The following MEF2D variants were observed in gnomAD, a reference collection of about 807,000 sequenced individuals.
MEF2D encodes the protein myocyte-specific enhancer factor 2D.
A neutral mutation model predicts 59.3 loss-of-function variants in MEF2D; 10 were observed. The ratio of observed to expected loss-of-function variants is 0.17; its 90% confidence interval spans 0.10 to 0.29. The LOEUF (loss-of-function observed/expected upper bound fraction) is 0.29. Among genes scored for constraint, MEF2D ranks in the 10% least tolerant of loss-of-function variants. MEF2D has a pLI of 1.00. For synonymous variants in MEF2D, 305 were observed against 295.0 expected (o/e 1.03, Z -0.35); for missense variants, 508 against 699.4 (o/e 0.73, Z 3.09).
At chr1:156,476,214 C>T (rs1484005267) in intron 8 of MEF2D, among the ~76,000 whole-genome samples, 5 of 152,208 alleles carry the variant, frequency 3.3e-5, no homozygotes, top group Admixed American at 6.5e-5. Flanking sequence ...CCCTCGCACA[C>T]GTACATACAG....
intron 8 of MEF2D, among the ~76,000 whole-genome samples, chr1:156,475,683 C>T (rs918881382): frequency 1.3e-5 from 2 of 152,228 alleles, no homozygotes; most frequent in African/African-American, 4.8e-5. Flanking sequence ...TATGCACACA[C>T]GTGTGTGGGG....
chr1:156,498,044 C>G lies in MEF2D; in HGVS notation c.-139+2442G>C, dbSNP rs564045424. The stretch of plus-strand genomic sequence containing the variant: ...CTTACTACTGCTCCTTTAGCTCCCC[C>G]CAACCTGAAGAGTCTCCCTCTGGCT... On this transcript the variant is annotated intron_variant, in intron 1 of 11. Transcript: ENST00000348159. Among the ~76,000 whole-genome samples the G allele has an allele frequency of 6.1e-5, 9 of 148,624 alleles. No homozygotes were observed. In the South Asian group the frequency reaches 1.9e-3, roughly 31 times the overall value.
At position 156,491,248 on chromosome 1, in the gene MEF2D, C is replaced by T. The variant is rs145483629; in HGVS notation, c.-138-7818G>A. Among the ~76,000 whole-genome samples, 109 of 152,324 alleles carry T rather than the reference C, an allele frequency of 7.2e-4. No homozygotes were observed. The South Asian group carries it at 0.012, about 16-fold the overall frequency. On this transcript the variant is annotated intron_variant, in intron 1 of 11. Transcript: ENST00000348159. ...ATCCTGAGTAAGTCACTGCCTTCTA[C>T]AGGCTTCACCCCACTGGCCAGTATT...
rs149283278 is a variant in MEF2D, at chr1:156,498,162, A to G, written c.-139+2324T>C. On this transcript the variant is annotated intron_variant, in intron 1 of 11. Coordinates refer to ENST00000348159, the MANE Select transcript of MEF2D (RefSeq NM_005920.4). The stretch of plus-strand genomic sequence containing the variant: ...AGAGAGATTATATAACAGCAGCCAG[A>G]AAGACTATCATATCTCCCAGCCTAT... 2.4e-3 allele frequency among the ~76,000 whole-genome samples: 368 copies of G among 151,326 alleles called. 6 individuals carry two copies. Among genetic ancestry groups the G allele is most frequent in the African/African-American group, 8.6e-3 (352 of 40,956 alleles).
At chr1:156,476,904 G>A (rs1442478758) in intron 7 of MEF2D, 108 bp downstream of exon 7, 5 of 1,310,898 alleles carry the variant, frequency 3.8e-6, no homozygotes, top group Non-Finnish European at 4.3e-6. Flanking sequence ...ATCTTGGGAA[G>A]TCCTAACTGC....
intron 1 of MEF2D, among the ~76,000 whole-genome samples, chr1:156,497,861 C>G (rs1194722287): frequency 6.6e-6 from 1 of 151,922 alleles, no homozygotes; most frequent in Non-Finnish European, 1.5e-5. Flanking sequence ...GGGAGAGGTC[C>G]AGGCCTCTCT....
intron 3 of MEF2D, among the ~76,000 whole-genome samples, chr1:156,482,031 T>C (rs1442816866): frequency 6.6e-6 from 1 of 151,536 alleles, no homozygotes; most frequent in Non-Finnish European, 1.5e-5. Flanking sequence ...GCAGGAGAGA[T>C]GGAAACAAAG....
intron 9 of MEF2D, among the ~76,000 whole-genome samples, chr1:156,471,584 T>A (rs1016383989): frequency 1.3e-5 from 2 of 152,172 alleles, no homozygotes; most frequent in Non-Finnish European, 2.9e-5. Context: ...ACTGGGAGGC[T>A]TGGCTCCCCA....
chr1:156,479,513 G>A, intron 5 of MEF2D, 73 bp downstream of exon 5: 7 of 1,525,434 alleles, frequency 4.6e-6, no homozygotes, highest in Non-Finnish European at 6.2e-6. Flanking sequence ...AATACTTGCT[G>A]TTGAAAATGG....
intron 1 of MEF2D, among the ~76,000 whole-genome samples, chr1:156,498,534 A>C (rs1284503892): frequency 2.0e-5 from 3 of 151,992 alleles, no homozygotes; most frequent in Non-Finnish European, 4.4e-5. Context: ...GTGTGATCTC[A>C]GGTAAAAAAC....
At chr1:156,492,975 A>T (rs1672902470) in intron 1 of MEF2D, among the ~76,000 whole-genome samples, 1 of 152,210 alleles carries the variant, frequency 6.6e-6, no homozygotes. Context: ...TGGCCAAAGG[A>T]AGAGCAGGCT....
chr1:156,486,217 C>T (rs982852347), intron 1 of MEF2D, among the ~76,000 whole-genome samples: 18 of 152,168 alleles, frequency 1.2e-4, no homozygotes, highest in Non-Finnish European at 2.2e-4. Context: ...GCTCCAGACA[C>T]CCCATTCCTC....
At chr1:156,496,175 G>A (rs1264383486) in intron 1 of MEF2D, among the ~76,000 whole-genome samples, 2 of 152,198 alleles carry the variant, frequency 1.3e-5, no homozygotes, top group African/African-American at 4.8e-5. Context: ...CAGATGAAGA[G>A]GGCCTTGGGG....
At chr1:156,472,742 C>T (rs1671314518) in intron 9 of MEF2D, among the ~76,000 whole-genome samples, 1 of 150,664 alleles carries the variant, frequency 6.6e-6, no homozygotes, top group South Asian at 2.1e-4. Context: ...GATGGAGTCT[C>T]ACTGTTGCCC....
At chr1:156,480,708 T>C (rs755407094) in intron 4 of MEF2D, 126 bp downstream of exon 4, 2 of 1,608,230 alleles carry the variant, frequency 1.2e-6, no homozygotes, top group Non-Finnish European at 1.7e-6. Flanking sequence ...TTCTCTTCCG[T>C]CTGGGGGGTC....
At chr1:156,493,439 G>A (rs1446348814) in intron 1 of MEF2D, among the ~76,000 whole-genome samples, 1 of 152,196 alleles carries the variant, frequency 6.6e-6, no homozygotes, top group Non-Finnish European at 1.5e-5. Context: ...AGCGGAGGGA[G>A]GGCGGGCATT....
In MEF2D at chr1:156,479,476, G is replaced by A; in HGVS notation, c.607+110C>T. The A allele has an allele frequency of 3.4e-6, 5 of 1,492,524 alleles. No homozygotes were observed. In the South Asian group the frequency reaches 6.1e-5, roughly 18 times the overall value. The allele number at this position is 1,492,524 out of a possible 1,614,324, so 92.5% of individuals were successfully genotyped here. Reference sequence around the variant, plus strand: ...CCCTTCCCTCAGGAGCCATACAAATGGCGGAATGCTGTGGTGGGTGAAGAG... The same window carrying A: ...CCCTTCCCTCAGGAGCCATACAAATAGCGGAATGCTGTGGTGGGTGAAGAG... On this transcript the variant is annotated intron_variant, in intron 5 of 11. Coordinates refer to ENST00000348159, the MANE Select transcript of MEF2D (RefSeq NM_005920.4).
chr1:156,471,004 G>A (rs1021256194), intron 9 of MEF2D, among the ~76,000 whole-genome samples: 3 of 152,102 alleles, frequency 2.0e-5, no homozygotes, highest in Admixed American at 1.3e-4. Context: ...GTTTTGAAAT[G>A]CTTATTAAAA....
chr1:156,499,902 TCA>T (rs1441075919), intron 1 of MEF2D, among the ~76,000 whole-genome samples: 2 of 150,920 alleles, frequency 1.3e-5, no homozygotes, highest in Non-Finnish European at 3.0e-5. Flanking sequence ...ACACACACAC[TCA>T]CACACCCCAA....
Sources: gnomAD v4.1 joint callset for allele counts (sites outside exome capture counted in the v4.1 genomes callset) on GRCh38, gnomAD v4.1.1 for gene constraint, MANE v1.5 for transcripts, NCBI Gene and HGNC (gene_info 2026-07-23, HGNC 2026-07-21) for gene names.